TOP6BL: variants seen among roughly 807,000 people sequenced by gnomAD.
TOP6BL encodes type 2 DNA topoisomerase 6 subunit B-like.
the TOP6BL span, among the ~76,000 whole-genome samples, chr11:66,786,941 T>TG: frequency 9.9e-4 from 150 of 152,022 alleles, no homozygotes; most frequent in African/African-American, 3.4e-3. Flanking sequence ...TGTTTTGTTT[T>TG]TTTTTTTTTG....
chr11:66,841,062 A>C, the TOP6BL span, among the ~76,000 whole-genome samples: 1 of 150,242 alleles, frequency 6.7e-6, no homozygotes, highest in South Asian at 2.1e-4. Flanking sequence ...TTCATGATTA[A>C]TCCAATTTAT....
chr11:66,776,363 GCTTA>G, the TOP6BL span, among the ~76,000 whole-genome samples: 4 of 151,978 alleles, frequency 2.6e-5, no homozygotes, highest in Admixed American at 2.6e-4. Context: ...CTGGCATATG[GCTTA>G]CTTCTTTTCC....
At chr11:66,752,587 G>A in the TOP6BL span, among the ~76,000 whole-genome samples, 2 of 151,940 alleles carry the variant, frequency 1.3e-5, no homozygotes, top group South Asian at 2.1e-4. Flanking sequence ...GAGTAGCTGG[G>A]ATTACAGGCG....
At chr11:66,781,711 A>G in the TOP6BL span, among the ~76,000 whole-genome samples, 1 of 151,724 alleles carries the variant, frequency 6.6e-6, no homozygotes, top group Admixed American at 6.6e-5. Flanking sequence ...CTAATTTTTA[A>G]ATTTTTTTGT....
the TOP6BL span, among the ~76,000 whole-genome samples, chr11:66,819,371 GA>G: frequency 6.6e-6 from 1 of 152,236 alleles, no homozygotes; most frequent in South Asian, 2.1e-4. Flanking sequence ...AAAGAGATCT[GA>G]TTTCTTGAAG....
At chr11:66,788,329 T>A in the TOP6BL span, 4 of 1,266,968 alleles carry the variant, frequency 3.2e-6, no homozygotes, top group Admixed American at 8.0e-5. Context: ...TTCTGCAATC[T>A]AATAACAAGA....
the TOP6BL span, among the ~76,000 whole-genome samples, chr11:66,834,501 C>G: frequency 6.6e-6 from 1 of 152,146 alleles, no homozygotes; most frequent in Non-Finnish European, 1.5e-5. Context: ...ACCTCTGGGC[C>G]ATTCTGTTTC....
the TOP6BL span, among the ~76,000 whole-genome samples, chr11:66,815,211 A>AT: frequency 1.3e-5 from 2 of 151,996 alleles, no homozygotes; most frequent in African/African-American, 2.4e-5. Flanking sequence ...TTTCTCTTTC[A>AT]TTTTTGTTTT....
chr11:66,779,730 C>G, the TOP6BL span, among the ~76,000 whole-genome samples: 1 of 152,092 alleles, frequency 6.6e-6, no homozygotes, highest in Non-Finnish European at 1.5e-5. Context: ...TACTGCGGCA[C>G]TATTCACAAT....
the TOP6BL span, chr11:66,804,191 A>G: frequency 1.3e-6 from 2 of 1,596,152 alleles, no homozygotes; most frequent in South Asian, 1.1e-5. Flanking sequence ...TTCAGTTTCC[A>G]TATCCTTTTG....
At chr11:66,822,124 A>G in the TOP6BL span, among the ~76,000 whole-genome samples, 2 of 152,074 alleles carry the variant, frequency 1.3e-5, no homozygotes, top group Non-Finnish European at 2.9e-5. Context: ...CCATTTTCCT[A>G]ATTCTTTACA....
chr11:66,801,838 T>A, the TOP6BL span, among the ~76,000 whole-genome samples: 2 of 151,664 alleles, frequency 1.3e-5, no homozygotes, highest in East Asian at 1.9e-4. Context: ...TCAAAAAAAA[T>A]AAATAAATAA....
chr11:66,795,446 C>T, the TOP6BL span, among the ~76,000 whole-genome samples: 6 of 151,734 alleles, frequency 4.0e-5, no homozygotes, highest in African/African-American at 9.7e-5. Context: ...GGATTGCAGG[C>T]GCATGCCACC....
the TOP6BL span, among the ~76,000 whole-genome samples, chr11:66,831,982 G>GT: frequency 1.8e-5 from 2 of 110,042 alleles, no homozygotes; most frequent in East Asian, 6.0e-4. Context: ...GGGCAACAGA[G>GT]TGAGACTCTG....
the TOP6BL span, among the ~76,000 whole-genome samples, chr11:66,787,487 C>T: frequency 1.3e-5 from 2 of 150,346 alleles, no homozygotes; most frequent in Non-Finnish European, 3.0e-5. Flanking sequence ...AGGCGGATCA[C>T]CTAAGATCGG....
At chr11:66,843,012 C>T in the TOP6BL span, 22 of 1,552,210 alleles carry the variant, frequency 1.4e-5, no homozygotes, top group African/African-American at 2.5e-4. Flanking sequence ...GGGAGCACCG[C>T]GAGGCTCACG....
chr11:66,748,035 T>C, the TOP6BL span, among the ~76,000 whole-genome samples: 2 of 152,180 alleles, frequency 1.3e-5, no homozygotes, highest in Non-Finnish European at 2.9e-5. Flanking sequence ...GGCTTTTATT[T>C]GGGGCAGGAA....
chr11:66,802,950 CCTCT>C, the TOP6BL span, among the ~76,000 whole-genome samples: 1 of 152,132 alleles, frequency 6.6e-6, no homozygotes, highest in African/African-American at 2.4e-5. Flanking sequence ...ATTAATATTT[CCTCT>C]CTATTAATTA....
At chr11:66,810,480 C>T in the TOP6BL span, among the ~76,000 whole-genome samples, 1 of 152,200 alleles carries the variant, frequency 6.6e-6, no homozygotes, top group Non-Finnish European at 1.5e-5. Flanking sequence ...TCCTGGGAGA[C>T]AGGTCTGTGC....
Sources: allele counts gnomAD v4.1 joint callset (sites outside exome capture counted in the v4.1 genomes callset), GRCh38; gene constraint gnomAD v4.1.1; transcripts MANE v1.5; gene names NCBI Gene and HGNC (gene_info 2026-07-23, HGNC 2026-07-21).